ETV6: variants seen among roughly 807,000 people sequenced by gnomAD.
ETV6 encodes transcription factor ETV6.
In ETV6, 16 loss-of-function variants were observed where a neutral mutation model predicts 51.1. The ratio of observed to expected loss-of-function variants is 0.31; its 90% CI spans 0.21 to 0.48. The LOEUF (loss-of-function observed/expected upper bound fraction) is 0.48, where lower values mean the gene tolerates loss of function less well. ETV6 is among the 20% of genes least tolerant of loss of function. ETV6 has a pLI of 0.99. For missense variants in ETV6, 458 were observed against 594.8 expected (o/e 0.77, Z 2.39); for synonymous variants, 240 against 224.1 (o/e 1.07, Z -0.64).
chr12:11,736,824 C>G (rs1865710148), intron 1 of ETV6, among the ~76,000 whole-genome samples: 1 of 152,156 alleles, frequency 6.6e-6, no homozygotes, highest in African/African-American at 2.4e-5. Context: ...GTAGATGGCC[C>G]TAGGTGGAAA....
chr12:11,851,976 G>T (rs1369449885), intron 3 of ETV6, among the ~76,000 whole-genome samples: 1 of 152,038 alleles, frequency 6.6e-6, no homozygotes, highest in East Asian at 1.9e-4. Flanking sequence ...AATTTAAGTT[G>T]GTAATTAAAA....
At chr12:11,824,044 G>C (rs1450994343) in intron 2 of ETV6, among the ~76,000 whole-genome samples, 1 of 152,164 alleles carries the variant, frequency 6.6e-6, no homozygotes, top group Non-Finnish European at 1.5e-5. Flanking sequence ...GATTCACTAG[G>C]AGAACCCGAA....
chr12:11,858,537 C>T (rs1028357324), intron 4 of ETV6, among the ~76,000 whole-genome samples: 3 of 152,152 alleles, frequency 2.0e-5, no homozygotes, highest in Non-Finnish European at 4.4e-5. Context: ...TCCACAGAAT[C>T]ACCCCATGGG....
intron 1 of ETV6, among the ~76,000 whole-genome samples, chr12:11,721,111 G>A (rs901841134): frequency 1.3e-5 from 2 of 152,192 alleles, no homozygotes; most frequent in Non-Finnish European, 2.9e-5. Context: ...CTTATACACC[G>A]GTGGGGGAAA....
intron 1 of ETV6, among the ~76,000 whole-genome samples, chr12:11,717,007 T>C (rs567809240): frequency 1.3e-5 from 2 of 152,322 alleles, no homozygotes; most frequent in African/African-American, 2.4e-5. Flanking sequence ...CAAGCTCTCA[T>C]CCAAGCCCGT....
At chr12:11,794,599 T>G (rs1945650063) in intron 2 of ETV6, among the ~76,000 whole-genome samples, 1 of 152,242 alleles carries the variant, frequency 6.6e-6, no homozygotes, top group South Asian at 2.1e-4. Flanking sequence ...CTGTCATACC[T>G]GTGGGTTTCC....
chr12:11,817,191 C>T (rs915725380), intron 2 of ETV6, among the ~76,000 whole-genome samples: 1 of 152,206 alleles, frequency 6.6e-6, no homozygotes, highest in African/African-American at 2.4e-5. Flanking sequence ...AATATCCACC[C>T]TCCAGAGCTG....
intron 2 of ETV6, among the ~76,000 whole-genome samples, chr12:11,790,715 T>C (rs987655520): frequency 6.6e-6 from 1 of 150,994 alleles, no homozygotes; most frequent in African/African-American, 2.4e-5. Context: ...AGAGTATCTG[T>C]TGCCCATGCT....
intron 1 of ETV6, among the ~76,000 whole-genome samples, chr12:11,701,223 C>T (rs1240328994): frequency 1.3e-5 from 2 of 152,110 alleles, no homozygotes; most frequent in South Asian, 2.1e-4. Flanking sequence ...CAACCATCAG[C>T]GCTCTCCAGA....
chr12:11,667,401 G>A (rs961320526), intron 1 of ETV6, among the ~76,000 whole-genome samples: 2 of 152,070 alleles, frequency 1.3e-5, no homozygotes, highest in Admixed American at 6.5e-5. Flanking sequence ...CAGAGGACTC[G>A]ATGCTCATGA....
At chr12:11,867,509 A>G (rs1021650757) in intron 4 of ETV6, among the ~76,000 whole-genome samples, 1 of 152,158 alleles carries the variant, frequency 6.6e-6, no homozygotes, top group African/African-American at 2.4e-5. Flanking sequence ...CAAGGAGATG[A>G]TCTTTTAATA....
chr12:11,734,843 T>C (rs897144755), intron 1 of ETV6, among the ~76,000 whole-genome samples: 2 of 152,204 alleles, frequency 1.3e-5, no homozygotes, highest in African/African-American at 4.8e-5. Flanking sequence ...TTCCAAGCCG[T>C]AGCTCTTAAC....
intron 2 of ETV6, chr12:11,826,627 C>T (rs1034810391): frequency 1.3e-5 from 2 of 152,248 alleles, no homozygotes; most frequent in Non-Finnish European, 1.5e-5. Context: ...ATTGATTTAT[C>T]ATTTTCCTTT....
chr12:11,792,511 A>G (rs539025740), intron 2 of ETV6, among the ~76,000 whole-genome samples: 4 of 152,144 alleles, frequency 2.6e-5, no homozygotes, highest in Middle Eastern at 3.4e-3. Context: ...ACATGGTGAA[A>G]CCCTGTCTCT....
chr12:11,747,777 A>G lies in ETV6; in HGVS notation c.34-4673A>G, dbSNP rs7981008. Among the ~76,000 whole-genome samples, 846 of 152,298 alleles carry G rather than the reference A, an allele frequency of 5.6e-3. 7 individuals are homozygous for G. Among genetic ancestry groups the G allele is most frequent in the African/African-American group, 0.019 (807 of 41,554 alleles). On this transcript the variant is annotated intron_variant, in intron 1 of 7. Coordinates refer to ENST00000396373, the MANE Select transcript of ETV6 (RefSeq NM_001987.5). Reference sequence around the variant, plus strand: ...GAAACCTAGAAAACTCTAGAGCTCAAATTTCAGCGTATTCAATTTTTTGTT... The same window carrying G: ...GAAACCTAGAAAACTCTAGAGCTCAGATTTCAGCGTATTCAATTTTTTGTT...
intron 2 of ETV6, among the ~76,000 whole-genome samples, chr12:11,784,027 C>T (rs1945446810): frequency 6.6e-6 from 1 of 152,088 alleles, no homozygotes; most frequent in African/African-American, 2.4e-5. Flanking sequence ...GTGGTTTCCC[C>T]CTGTGCTGCT....
chr12:11,714,648 T>TGA lies in ETV6; in HGVS notation c.34-37801_34-37800dup, dbSNP rs1296023298. Among the ~76,000 whole-genome samples, 6 of 66,104 alleles carry TGA rather than the reference T, an allele frequency of 9.1e-5. 1 individual carries two copies. Among genetic ancestry groups the TGA allele is most frequent in the Admixed American group, 2.3e-4 (1 of 4,392 alleles). 43.4% of individuals were successfully genotyped at this position (66,104 alleles called of 152,430 possible). On this transcript the variant is annotated intron_variant, in intron 1 of 7. Coordinates refer to ENST00000396373, the MANE Select transcript of ETV6 (RefSeq NM_001987.5). ...TTAGGTAAGTAATCATACCTTGAGG[T>TGA]GAAAAAAAAAAAAAAAAAAAAAAAG...
chr12:11,736,925 A>C (rs1420592582), intron 1 of ETV6, among the ~76,000 whole-genome samples: 1 of 152,210 alleles, frequency 6.6e-6, no homozygotes, highest in Non-Finnish European at 1.5e-5. Context: ...ATACTTCACG[A>C]GTGTCCAGTG....
intron 2 of ETV6, among the ~76,000 whole-genome samples, chr12:11,829,236 C>T (rs1198902481): frequency 6.6e-6 from 1 of 152,182 alleles, no homozygotes; most frequent in Non-Finnish European, 1.5e-5. Context: ...CAAAGTACAA[C>T]TCATCTACTA....
Sources: gnomAD v4.1 joint callset for allele counts (sites outside exome capture counted in the v4.1 genomes callset) on GRCh38, gnomAD v4.1.1 for gene constraint, MANE v1.5 for transcripts, NCBI Gene and HGNC (gene_info 2026-07-23, HGNC 2026-07-21) for gene names.